Variants in HPR observed in about 807,000 individuals in gnomAD.
HPR encodes the protein haptoglobin-related protein, also known as Haptoglobin-related locus.
A neutral mutation model predicts 18.5 loss-of-function variants in HPR; 17 were observed. That is an observed-to-expected ratio of 0.92 (90% confidence interval 0.63 to 1.38). The LOEUF (loss-of-function observed/expected upper bound fraction) is 1.38, where lower values mean the gene tolerates loss of function less well. Among genes scored for constraint, HPR ranks in the 40% most tolerant of loss-of-function variants. The pLI is 0.00. For missense variants in HPR, 457 were observed against 432.4 expected, an observed-to-expected ratio of 1.06 and a Z score of -0.51; for synonymous variants, 176 against 165.0, an observed-to-expected ratio of 1.07 and a Z score of -0.51.
At chr16:72,068,208 C>G (rs1337554154) in intron 1 of HPR, among the ~76,000 whole-genome samples, 2 of 152,100 alleles carry the variant, frequency 1.3e-5, no homozygotes, top group Non-Finnish European at 2.9e-5. Flanking sequence ...TATTTTTGAC[C>G]ATCTACAGTT....
In HPR at chr16:72,077,047, A is replaced by G. The variant is rs151331078; in HGVS notation, c.1013A>G (p.Gln338Arg). 17 of 1,613,848 alleles carry G rather than the reference A, an allele frequency of 1.1e-5. No individual in the cohort carries two copies. In the East Asian group the frequency reaches 3.8e-4, roughly 36 times the overall value. ...GTGTATGTGAAGGTGACTTCCATCCAGCACTGGGTTCAGAAGACCATAGCT... is the reference window on the plus strand; with the variant it reads ...GTGTATGTGAAGGTGACTTCCATCCGGCACTGGGTTCAGAAGACCATAGCT... ...YGVYVKVTSI[Q>R]HWVQKTIAEN The change falls in exon 5 of 5, where the codon CAG becomes CGG. Residue 338 changes from glutamine to arginine, a missense_variant. Transcript: ENST00000540303.
rs765281676 is a variant in HPR at position 72,076,279 on chromosome 16, C to T, written c.269-24C>T. Reference sequence around the variant, plus strand: ...AAAGGCTCTTGCACATTTCCACTCACGAGTGTCTTGCTCTCCTTGACAGTA... The same window carrying T: ...AAAGGCTCTTGCACATTTCCACTCATGAGTGTCTTGCTCTCCTTGACAGTA... On this transcript the variant is annotated intron_variant, in intron 4 of 4. Coordinates refer to ENST00000540303, the MANE Select transcript of HPR (RefSeq NM_020995.4). 1.0e-5 allele frequency: 16 copies of T among 1,607,504 alleles called. No homozygotes were observed. The South Asian group carries it at 1.1e-4, about 11-fold the overall frequency.
At position 72,076,380 on chromosome 16, in the gene HPR, C is replaced by T. The variant is rs1358543250; in HGVS notation, c.346C>T (p.Pro116Ser). The T allele has an allele frequency of 1.9e-6, 3 of 1,614,128 alleles. No individual in the cohort carries two copies. The highest frequency in any genetic ancestry group is 1.3e-5 in the African/African-American group (1 of 75,050). ...ACACCTGGATGCCAAAGGCAGCTTTCCCTGGCAGGCTAAGATGGTTTCCCA... is the reference window on the plus strand; with the variant it reads ...ACACCTGGATGCCAAAGGCAGCTTTTCCTGGCAGGCTAAGATGGTTTCCCA... ...GGHLDAKGSF[P>S]WQAKMVSHHN... Residue 116 changes from proline to serine, a missense_variant, in exon 5 of 5, where the codon CCC becomes TCC. Pro to Ser is a moderately conservative substitution (Grantham distance 74). Coordinates refer to ENST00000540303, the MANE Select transcript of HPR (RefSeq NM_020995.4).
At position 72,076,552 on chromosome 16, in the gene HPR, T is replaced by C. The variant is rs1212542967; in HGVS notation, c.518T>C (p.Val173Ala). ...LTLYVGKKQL[V>A]EIEKVVLHPN... ...CTCTATGTGGGGAAAAAGCAGCTTGTAGAGATTGAGAAGGTGGTTCTACAC... is the reference window on the plus strand; with the variant it reads ...CTCTATGTGGGGAAAAAGCAGCTTGCAGAGATTGAGAAGGTGGTTCTACAC... Residue 173 changes from valine to alanine, a missense_variant, in exon 5 of 5, where the codon GTA becomes GCA. Val to Ala is a moderately conservative substitution (Grantham distance 64). Transcript: ENST00000540303. 6.2e-7 allele frequency: 1 copy of C among 1,614,146 alleles called. No homozygotes were observed. The highest frequency in any genetic ancestry group is 8.5e-7 in the Non-Finnish European group (1 of 1,180,026).
intron 1 of HPR, among the ~76,000 whole-genome samples, chr16:72,073,585 C>CT: frequency 6.6e-6 from 1 of 152,250 alleles, no homozygotes; most frequent in Non-Finnish European, 1.5e-5. Context: ...GCCCCTATAC[C>CT]TATGTACCTT....
intron 4 of HPR, 142 bp from the exon 5 acceptor site, chr16:72,076,161 T>G: frequency 1.3e-5 from 19 of 1,468,736 alleles, no homozygotes; most frequent in Non-Finnish European, 1.7e-5. Context: ...CTATTGGAAA[T>G]GAGATCAGCA....
chr16:72,076,341 C>T lies in HPR; in HGVS notation c.307C>T (p.Arg103Trp), dbSNP rs369182667. 1.5e-5 allele frequency: 24 copies of T among 1,613,774 alleles called. No individual in the cohort carries two copies. The highest frequency in any genetic ancestry group is 1.8e-5 in the Non-Finnish European group (21 of 1,179,906). The part of the protein sequence containing the change: ...KPKNPANPVQ[R>W]ILGGHLDAKG... ...CAAGAATCCGGCAAACCCAGTGCAG[C>T]GGATCCTGGGTGGACACCTGGATGC... Residue 103 changes from arginine (R) to tryptophan (W), a missense_variant, in exon 5 of 5, where the codon CGG becomes TGG. Arg to Trp is a moderately radical substitution (Grantham distance 101). Coordinates refer to ENST00000540303, the MANE Select transcript of HPR (RefSeq NM_020995.4).
At chr16:72,068,853 T>G (rs572677255) in intron 1 of HPR, among the ~76,000 whole-genome samples, 1 of 152,144 alleles carries the variant, frequency 6.6e-6, no homozygotes, top group African/African-American at 2.4e-5. Flanking sequence ...CTCCAGAATC[T>G]TAAAATATGG....
At chr16:72,064,112 A>G (rs2144058170) in intron 1 of HPR, among the ~76,000 whole-genome samples, 1 of 152,242 alleles carries the variant, frequency 6.6e-6, no homozygotes, top group East Asian at 1.9e-4. Context: ...GAACTGGCAG[A>G]TGGCGCCTGT....
Position 72,076,710 on chromosome 16 carries a change from TG to T in HPR, c.680del (p.Gly227AspfsTer12). Reference protein sequence around the residue: ...EVGRVGYVSGWGQSDNFKLTD... With the variant: ...EVGRVGYVSGXGQSDNFKLTD... ...AGGGCGTGTGGGTTACGTGTCTGGCTGGGGACAAAGTGACAACTTTAAACTT... is the reference window on the plus strand; with the variant it reads ...AGGGCGTGTGGGTTACGTGTCTGGCTGGGACAAAGTGACAACTTTAAACTT... On this transcript the variant is annotated frameshift_variant, in exon 5 of 5. Transcript: ENST00000540303. LOFTEE classifies it low-confidence loss of function (END_TRUNC). 2 of 1,614,218 alleles carry T rather than the reference TG, an allele frequency of 1.2e-6. No individual in the cohort carries two copies. Among genetic ancestry groups the T allele is most frequent in the Non-Finnish European group, 1.7e-6 (2 of 1,180,036 alleles).
intron 1 of HPR, among the ~76,000 whole-genome samples, chr16:72,064,927 C>G (rs2041582027): frequency 6.6e-6 from 1 of 152,172 alleles, no homozygotes; most frequent in Non-Finnish European, 1.5e-5. Flanking sequence ...ACCCCAGACT[C>G]TCAACAACGT....
Position 72,073,793 on chromosome 16 carries a change from C to CGT in HPR, c.6-84_6-83dup, listed in dbSNP as rs747070070. On this transcript the variant is annotated intron_variant, in intron 1 of 4. Transcript: ENST00000540303. ...GTGTGTGTATGCATGTGTGTGTGTG[C>CGT]GTGTGTGTGTGTGTGTACATGCCTG... 6.3e-4 allele frequency: 938 copies of CGT among 1,494,698 alleles called. 2 individuals carry two copies. In the Admixed American group the frequency reaches 6.4e-3, roughly 10 times the overall value. 92.6% of individuals were successfully genotyped at this position (1,494,698 alleles called of 1,614,324 possible).
At chr16:72,069,488 A>G (rs1291926111) in intron 1 of HPR, among the ~76,000 whole-genome samples, 1 of 152,164 alleles carries the variant, frequency 6.6e-6, no homozygotes, top group East Asian at 1.9e-4. Flanking sequence ...CCATTGAAAA[A>G]GAAGAATAAA....
chr16:72,074,074 T>C, intron 2 of HPR, 97 bp downstream of exon 2: 1 of 1,509,550 alleles, frequency 6.6e-7, no homozygotes, highest in Non-Finnish European at 9.2e-7. Flanking sequence ...GAACACACAG[T>C]TCCCCATTCT....
chr16:72,077,229 G>C lies in HPR; in HGVS notation c.*148G>C, dbSNP rs1179154268. On this transcript the variant is annotated 3_prime_UTR_variant, in exon 5 of 5. Coordinates refer to ENST00000540303, the MANE Select transcript of HPR (RefSeq NM_020995.4). ...CTGCATTGCTGAGTCAATCAATAAA[G>C]AGCTTTCTTTTGACCCATTTCTGTG... is the stretch of plus-strand genomic sequence containing the variant. 3 of 766,056 alleles carry C rather than the reference G, an allele frequency of 3.9e-6. No individual in the cohort carries two copies. The highest frequency in any genetic ancestry group is 6.1e-6 in the Non-Finnish European group (3 of 491,298). 47.5% of individuals were successfully genotyped at this position (766,056 alleles called of 1,614,324 possible).
chr16:72,076,424 G>T lies in HPR; in HGVS notation c.390G>T (p.Gly130=), dbSNP rs146254843. Residue 130 remains glycine, a synonymous_variant, in exon 5 of 5, where the codon GGG becomes GGT. Coordinates refer to ENST00000540303, the MANE Select transcript of HPR (RefSeq NM_020995.4). ...TTTCCCACCATAATCTCACCACAGG[G>T]GCCACGCTGATCAATGAACAATGGC... ...KMVSHHNLTT[G]ATLINEQWLL... is the part of the protein sequence containing the mutation. 0.011 allele frequency: 17,214 copies of T among 1,591,186 alleles called. 323 individuals are homozygous for T. The highest frequency in any genetic ancestry group is 0.013 in the Non-Finnish European group (15,164 of 1,158,566).
intron 1 of HPR, among the ~76,000 whole-genome samples, chr16:72,064,968 G>T (rs1330162804): frequency 6.6e-6 from 1 of 152,166 alleles, no homozygotes; most frequent in African/African-American, 2.4e-5. Flanking sequence ...CACTATGGTG[G>T]CCAGGTAACT....
intron 2 of HPR, 116 bp downstream of exon 2, chr16:72,074,093 C>A: frequency 6.9e-7 from 1 of 1,440,062 alleles, no homozygotes; most frequent in Non-Finnish European, 9.7e-7. Context: ...CTTATCCTGA[C>A]CTCTGGGCTT....
intron 1 of HPR, among the ~76,000 whole-genome samples, chr16:72,064,498 C>T (rs1462757343): frequency 7.2e-5 from 11 of 152,142 alleles, no homozygotes; most frequent in South Asian, 6.2e-4. Context: ...CTGATCTTCC[C>T]GCCTTCCCAC....
Sources: allele counts gnomAD v4.1 joint callset (sites outside exome capture counted in the v4.1 genomes callset), GRCh38; gene constraint gnomAD v4.1.1; transcripts MANE v1.5; gene names NCBI Gene and HGNC (gene_info 2026-07-23, HGNC 2026-07-21).